The following PCCA variants were observed in gnomAD, a reference collection of about 807,000 sequenced individuals.
PCCA encodes the protein propionyl-CoA carboxylase subunit alpha, also known as propionyl-CoA carboxylase alpha chain, mitochondrial.
PCCA carries 74 observed loss-of-function variants against 101.3 expected under a neutral mutation model. That is an observed-to-expected ratio of 0.73 (90% confidence interval 0.61 to 0.89). PCCA has a LOEUF of 0.89. PCCA is among the 40% of genes least tolerant of loss of function. The pLI is 0.00. For synonymous variants in PCCA, 294 were observed against 313.6 expected, an observed-to-expected ratio of 0.94 and a Z score of 0.66; for missense variants, 891 against 907.0, an observed-to-expected ratio of 0.98 and a Z score of 0.23.
At chr13:100,153,996 C>A (rs1424191217) in intron 4 of PCCA, among the ~76,000 whole-genome samples, 2 of 151,800 alleles carry the variant, frequency 1.3e-5, no homozygotes, top group African/African-American at 4.8e-5. Flanking sequence ...AAAATTATTT[C>A]ATAACTGAAG....
intron 12 of PCCA, among the ~76,000 whole-genome samples, chr13:100,297,589 A>G (rs1028756637): frequency 1.3e-5 from 2 of 152,206 alleles, no homozygotes; most frequent in African/African-American, 4.8e-5. Context: ...AGGGAGTGGT[A>G]AGAGGTATTA....
At chr13:100,287,263 G>A (rs186254154) in intron 12 of PCCA, among the ~76,000 whole-genome samples, 1 of 151,982 alleles carries the variant, frequency 6.6e-6, no homozygotes, top group Admixed American at 6.5e-5. Context: ...ACAGTATCTA[G>A]TAGAACTATT....
At chr13:100,217,677 A>AT in intron 7 of PCCA, among the ~76,000 whole-genome samples, 2 of 151,346 alleles carry the variant, frequency 1.3e-5, no homozygotes, top group African/African-American at 4.9e-5. Flanking sequence ...ACATGGTGAA[A>AT]CCCTGTCTCT....
intron 12 of PCCA, among the ~76,000 whole-genome samples, chr13:100,279,933 CT>C (rs1256495312): frequency 1.3e-5 from 2 of 150,608 alleles, no homozygotes; most frequent in Non-Finnish European, 3.0e-5. Context: ...TTTCTTTGTT[CT>C]TTTTTTATTT....
intron 18 of PCCA, among the ~76,000 whole-genome samples, chr13:100,359,974 C>G (rs868819979): frequency 1.3e-5 from 2 of 152,088 alleles, no homozygotes; most frequent in Non-Finnish European, 2.9e-5. Flanking sequence ...TATGGAAATG[C>G]AAAGGGACTT....
At chr13:100,230,971 A>C (rs2060434808) in intron 7 of PCCA, among the ~76,000 whole-genome samples, 1 of 152,140 alleles carries the variant, frequency 6.6e-6, no homozygotes. Flanking sequence ...TGTGGCTGTG[A>C]GGCCCAGCCT....
chr13:100,133,864 T>A (rs917311126), intron 4 of PCCA, among the ~76,000 whole-genome samples: 2 of 152,110 alleles, frequency 1.3e-5, no homozygotes, highest in African/African-American at 4.8e-5. Context: ...ACTTGCTGAG[T>A]CTTCCGGCCT....
chr13:100,318,418 G>T (rs1320960284), intron 16 of PCCA, among the ~76,000 whole-genome samples: 1 of 151,810 alleles, frequency 6.6e-6, no homozygotes, highest in Non-Finnish European at 1.5e-5. Flanking sequence ...TGCCATGTTG[G>T]TGTGCTGCAC....
chr13:100,431,875 A>T (rs1246394423), intron 20 of PCCA, among the ~76,000 whole-genome samples: 3 of 149,114 alleles, frequency 2.0e-5, no homozygotes, highest in African/African-American at 7.5e-5. Context: ...CAAAAAAAAT[A>T]ATAATAATAA....
At chr13:100,385,570 A>T (rs1022844959) in intron 19 of PCCA, among the ~76,000 whole-genome samples, 1 of 152,268 alleles carries the variant, frequency 6.6e-6, no homozygotes. Flanking sequence ...ACGATTTTCC[A>T]TGCACATTTT....
At chr13:100,462,946 T>A (rs563746436) in intron 21 of PCCA, among the ~76,000 whole-genome samples, 1 of 152,298 alleles carries the variant, frequency 6.6e-6, no homozygotes, top group Admixed American at 6.5e-5. Flanking sequence ...GTGAACAGTT[T>A]TTCAGTGTTT....
Position 100,250,154 on chromosome 13 carries a change from G to T in PCCA, c.638-7441G>T, listed in dbSNP as rs2061669263. On this transcript the variant is annotated intron_variant, in intron 8 of 23. Coordinates refer to ENST00000376285, the MANE Select transcript of PCCA (RefSeq NM_000282.4). ...CATTCTTGTATTTTTCCTGATTTTT[G>T]GGAGAAGGCATCCAGTTTCTTGTCA... 3.3e-5 allele frequency among the ~76,000 whole-genome samples: 5 copies of T among 152,096 alleles called. No individual in the cohort carries two copies. In the South Asian group the frequency reaches 1.0e-3, roughly 32 times the overall value.
At chr13:100,168,113 T>C (rs1466648418) in intron 6 of PCCA, among the ~76,000 whole-genome samples, 2 of 152,234 alleles carry the variant, frequency 1.3e-5, no homozygotes, top group African/African-American at 4.8e-5. Context: ...TATTCAGCAG[T>C]TGAATCTCAA....
At chr13:100,397,178 C>A (rs1315719324) in intron 19 of PCCA, among the ~76,000 whole-genome samples, 2 of 152,158 alleles carry the variant, frequency 1.3e-5, no homozygotes, top group African/African-American at 4.8e-5. Context: ...ACCCTTGCCA[C>A]TGTGTTTTCC....
intron 12 of PCCA, among the ~76,000 whole-genome samples, chr13:100,297,258 A>G (rs2152673472): frequency 6.6e-6 from 1 of 152,276 alleles, no homozygotes; most frequent in Middle Eastern, 3.4e-3. Flanking sequence ...AAAGTATCTT[A>G]TAGGGAGATA....
chr13:100,271,762 T>C (rs2063334961), intron 11 of PCCA, among the ~76,000 whole-genome samples: 1 of 152,170 alleles, frequency 6.6e-6, no homozygotes, highest in Non-Finnish European at 1.5e-5. Flanking sequence ...AAAGGGTACT[T>C]TATCTCATAG....
At chr13:100,113,191 C>A (rs2048482700) in intron 4 of PCCA, among the ~76,000 whole-genome samples, 1 of 152,188 alleles carries the variant, frequency 6.6e-6, no homozygotes, top group Non-Finnish European at 1.5e-5. Flanking sequence ...CCTATTCCTC[C>A]TGTGCTACAA....
chr13:100,198,466 A>ATGTT (rs1555375174), intron 6 of PCCA: 1 of 137,220 alleles, frequency 7.3e-6, no homozygotes, highest in African/African-American at 2.7e-5. Flanking sequence ...TGCAGTTGCC[A>ATGTT]CGTTCATTCA....
intron 12 of PCCA, among the ~76,000 whole-genome samples, chr13:100,275,100 C>T (rs906473110): frequency 3.3e-5 from 5 of 151,950 alleles, no homozygotes; most frequent in Non-Finnish European, 7.4e-5. Flanking sequence ...TGAGCTGGGT[C>T]GAGCTTAAGC....
Sources: allele counts gnomAD v4.1 joint callset (sites outside exome capture counted in the v4.1 genomes callset), GRCh38; gene constraint gnomAD v4.1.1; transcripts MANE v1.5; gene names NCBI Gene and HGNC (gene_info 2026-07-23, HGNC 2026-07-21).